Variants in AK7 observed in about 807,000 individuals in gnomAD.
AK7 encodes the protein adenylate kinase 7.
In AK7, 78 loss-of-function variants were observed where a neutral mutation model predicts 96.6. The ratio of observed to expected loss-of-function variants is 0.81; its 90% CI spans 0.67 to 0.97. The LOEUF is 0.97. Among genes scored for constraint, AK7 ranks in the 50% least tolerant of loss-of-function variants. The pLI is 0.00. For missense variants in AK7, 855 were observed against 887.9 expected (o/e 0.96, Z 0.47); for synonymous variants, 302 against 317.2 (o/e 0.95, Z 0.51).
chr14:96,449,898 T>TC lies in AK7; in HGVS notation c.948+19_948+20insC. ...CTTAACGGTTAGTATATGCGGTGTT[T>TC]TTTTTTTTTTAACTATCTTTCTCAA... On this transcript the variant is annotated intron_variant, in intron 9 of 17. Transcript: ENST00000267584. 1 of 1,523,902 alleles carries TC rather than the reference T, an allele frequency of 6.6e-7. No individual in the cohort carries two copies. Among genetic ancestry groups the TC allele is most frequent in the Non-Finnish European group, 8.9e-7 (1 of 1,122,178 alleles). 94.4% of individuals were successfully genotyped at this position (1,523,902 alleles called of 1,614,324 possible). A position where few individuals can be genotyped will look rare whatever the true frequency, so the allele number is the denominator to read the frequency against.
chr14:96,453,946 G>A (rs753312527), intron 10 of AK7, among the ~76,000 whole-genome samples: 4 of 152,090 alleles, frequency 2.6e-5, no homozygotes, highest in African/African-American at 4.8e-5. Context: ...CTCAGTTCCA[G>A]AACTGCTTTC....
intron 1 of AK7, among the ~76,000 whole-genome samples, chr14:96,392,783 C>A (rs1426352309): frequency 6.6e-6 from 1 of 152,252 alleles, no homozygotes; most frequent in African/African-American, 2.4e-5. Context: ...CCTGCCTCAG[C>A]CTCCGAGTAG....
intron 7 of AK7, 101 bp downstream of exon 7, chr14:96,442,919 A>G (rs1893037286): frequency 9.6e-6 from 10 of 1,043,524 alleles, no homozygotes; most frequent in Non-Finnish European, 1.5e-5. Flanking sequence ...AGACCCTTAC[A>G]TGGATTATTG....
intron 6 of AK7, among the ~76,000 whole-genome samples, chr14:96,441,679 C>T (rs372413775): frequency 2.4e-4 from 36 of 148,050 alleles, no homozygotes; most frequent in African/African-American, 8.4e-4. Context: ...AAAATAAAAT[C>T]TTTGAATGAG....
chr14:96,409,888 C>T (rs552426402), intron 4 of AK7, among the ~76,000 whole-genome samples: 18 of 152,306 alleles, frequency 1.2e-4, no homozygotes, highest in African/African-American at 2.9e-4. Context: ...ATTAAATCAA[C>T]GCGAGTAGTT....
At chr14:96,455,429 G>A (rs1293351335) in intron 10 of AK7, among the ~76,000 whole-genome samples, 1 of 152,144 alleles carries the variant, frequency 6.6e-6, no homozygotes. Context: ...AGGCTGCAGT[G>A]ATCTGTGATT....
In AK7 at chr14:96,392,153, C is replaced by G; in HGVS notation, c.-2C>G. 6.2e-7 allele frequency: 1 copy of G among 1,612,094 alleles called. No homozygotes were observed. The highest frequency in any genetic ancestry group is 8.5e-7 in the Non-Finnish European group (1 of 1,178,262). On this transcript the variant is annotated 5_prime_UTR_variant, in exon 1 of 18. Coordinates refer to ENST00000267584, the MANE Select transcript of AK7 (RefSeq NM_152327.5). ...ACCTTAGCAACCAGCGCGGCTCCCA[C>G]CATGGCTGAAGAAGAGGAAACTGCT...
rs752049980 is a variant in AK7, at chr14:96,483,233, GTGTT to G, written c.1974+18_1974+21del. 4.8e-5 allele frequency: 75 copies of G among 1,576,646 alleles called. 1 individual carries two copies. The South Asian group carries it at 8.2e-4, about 17-fold the overall frequency. The stretch of plus-strand genomic sequence containing the variant: ...TGGGAGGAGTGGGTGAGTGGTGAGT[GTGTT>G]TGTGAGTCTGTGTATCTGTGGAACA... On this transcript the variant is annotated intron_variant, in intron 16 of 17. Coordinates refer to ENST00000267584, the MANE Select transcript of AK7 (RefSeq NM_152327.5).
chr14:96,413,203 G>T (rs1259415885), intron 4 of AK7, among the ~76,000 whole-genome samples: 2 of 152,134 alleles, frequency 1.3e-5, no homozygotes, highest in Non-Finnish European at 2.9e-5. Flanking sequence ...GGCCTGAGAG[G>T]ACAAAGAGGG....
At chr14:96,457,221 C>T (rs140987725) in intron 11 of AK7, among the ~76,000 whole-genome samples, 4 of 151,660 alleles carry the variant, frequency 2.6e-5, no homozygotes, top group African/African-American at 7.3e-5. Context: ...CCACTATGCC[C>T]GGCTAATTTT....
chr14:96,398,922 T>C (rs991936877), intron 2 of AK7: 1 of 152,554 alleles, frequency 6.6e-6, no homozygotes, highest in African/African-American at 2.4e-5. Context: ...CCTGCTACTC[T>C]CTGGAGCCTA....
intron 12 of AK7, among the ~76,000 whole-genome samples, chr14:96,468,875 A>G (rs1470044410): frequency 6.6e-6 from 1 of 151,328 alleles, no homozygotes; most frequent in African/African-American, 2.4e-5. Context: ...TTTAAAAGCT[A>G]TGTAGGAGGG....
intron 5 of AK7, among the ~76,000 whole-genome samples, chr14:96,434,098 T>C (rs1326378772): frequency 6.6e-6 from 1 of 152,166 alleles, no homozygotes; most frequent in Non-Finnish European, 1.5e-5. Context: ...GCTTTCCCGG[T>C]TGGTGTTGAT....
chr14:96,400,144 T>C (rs1431466074), intron 2 of AK7, among the ~76,000 whole-genome samples: 1 of 150,388 alleles, frequency 6.6e-6, no homozygotes, highest in East Asian at 2.0e-4. Flanking sequence ...GTTCAAGCGA[T>C]TCTCCTGCCT....
chr14:96,440,373 G>T (rs775456296), intron 6 of AK7, among the ~76,000 whole-genome samples: 2 of 152,118 alleles, frequency 1.3e-5, no homozygotes, highest in African/African-American at 2.4e-5. Flanking sequence ...TCACCTACCT[G>T]CTCACTGAAT....
chr14:96,487,782 G>A (rs995918946), intron 17 of AK7, among the ~76,000 whole-genome samples: 1 of 151,976 alleles, frequency 6.6e-6, no homozygotes, highest in African/African-American at 2.4e-5. Context: ...TATGTTTCTG[G>A]TTCTTTGGGA....
intron 4 of AK7, 130 bp downstream of exon 4, chr14:96,409,071 C>A: frequency 1.2e-6 from 1 of 869,506 alleles, no homozygotes; most frequent in Non-Finnish European, 1.8e-6. Context: ...TAATAAGCAC[C>A]CAGCAGAGTT....
chr14:96,463,014 G>C (rs1894342507), intron 12 of AK7, among the ~76,000 whole-genome samples: 1 of 152,098 alleles, frequency 6.6e-6, no homozygotes, highest in Non-Finnish European at 1.5e-5. Context: ...GTGGATGCCT[G>C]TAATCCCAGC....
chr14:96,475,218 A>G (rs574390056), intron 14 of AK7, among the ~76,000 whole-genome samples: 1 of 152,364 alleles, frequency 6.6e-6, no homozygotes, highest in Admixed American at 6.5e-5. Context: ...GAAAGAAAGT[A>G]GGGCATTGTT....
Sources: gnomAD v4.1 joint callset for allele counts (sites outside exome capture counted in the v4.1 genomes callset) on GRCh38, gnomAD v4.1.1 for gene constraint, MANE v1.5 for transcripts, NCBI Gene and HGNC (gene_info 2026-07-23, HGNC 2026-07-21) for gene names.